Variants in TAFA1 observed in about 807,000 individuals in gnomAD.
TAFA1 encodes TAFA chemokine like family member 1.
TAFA1 carries 4 observed loss-of-function variants against 18.5 expected under a neutral mutation model. The observed-to-expected ratio is 0.22, with a 90% confidence interval of 0.11 to 0.49. The LOEUF (loss-of-function observed/expected upper bound fraction) is 0.49, where lower values mean the gene tolerates loss of function less well. TAFA1 is among the 20% of genes least tolerant of loss of function. The probability of loss-of-function intolerance (pLI) is 0.98; values close to 1 mark genes in which losing one functional copy is unlikely to be tolerated. For synonymous variants in TAFA1, 56 were observed against 55.2 expected (o/e 1.01, Z -0.06); for missense variants, 147 against 169.0 (o/e 0.87, Z 0.72).
chr3:68,213,360 T>A (rs1391797867), intron 2 of TAFA1, among the ~76,000 whole-genome samples: 1 of 152,104 alleles, frequency 6.6e-6, no homozygotes, highest in Non-Finnish European at 1.5e-5. Flanking sequence ...ATGAATGTCA[T>A]CGTTATTTTC....
intron 2 of TAFA1, among the ~76,000 whole-genome samples, chr3:68,120,417 T>A (rs1043138922): frequency 8.6e-5 from 13 of 152,016 alleles, no homozygotes; most frequent in Non-Finnish European, 8.8e-5. Context: ...CCTGGCTAAC[T>A]TTTACATTTT....
At chr3:68,343,426 T>C (rs930346018) in intron 2 of TAFA1, among the ~76,000 whole-genome samples, 4 of 152,198 alleles carry the variant, frequency 2.6e-5, no homozygotes, top group African/African-American at 9.7e-5. Flanking sequence ...TGCTTTGAAA[T>C]TTCACTATTT....
intron 3 of TAFA1, among the ~76,000 whole-genome samples, chr3:68,526,707 A>G (rs185289137): frequency 7.2e-5 from 11 of 152,226 alleles, no homozygotes; most frequent in African/African-American, 2.6e-4. Flanking sequence ...TTGTATATAA[A>G]CTCATTCCTT....
At chr3:68,492,599 GA>G (rs1397291591) in intron 3 of TAFA1, among the ~76,000 whole-genome samples, 1 of 152,140 alleles carries the variant, frequency 6.6e-6, no homozygotes, top group African/African-American at 2.4e-5. Context: ...TGACTTTATG[GA>G]TGAGTTTTTA....
At chr3:68,289,129 A>G (rs1253172669) in intron 2 of TAFA1, among the ~76,000 whole-genome samples, 1 of 152,202 alleles carries the variant, frequency 6.6e-6, no homozygotes, top group Admixed American at 6.5e-5. Context: ...GTGCCTGTTC[A>G]TGTCTCTAAC....
intron 3 of TAFA1, among the ~76,000 whole-genome samples, chr3:68,426,627 CA>C (rs2071059666): frequency 6.6e-6 from 1 of 151,560 alleles, no homozygotes; most frequent in African/African-American, 2.4e-5. Context: ...GGAAGAAAGA[CA>C]AAAAAATTAC....
intron 2 of TAFA1, among the ~76,000 whole-genome samples, chr3:68,025,558 T>A (rs1464933837): frequency 6.6e-6 from 1 of 152,172 alleles, no homozygotes; most frequent in African/African-American, 2.4e-5. Flanking sequence ...AGGGCCCTAA[T>A]AATATGCCCT....
intron 2 of TAFA1, among the ~76,000 whole-genome samples, chr3:68,411,968 T>C (rs35476250): frequency 0.18 from 27,898 of 152,018 alleles, 3,305 homozygotes; most frequent in East Asian, 0.44. Context: ...TTCCACTGTG[T>C]CCACCAAGAC....
At chr3:68,068,875 G>A (rs1040231828) in intron 2 of TAFA1, among the ~76,000 whole-genome samples, 2 of 152,186 alleles carry the variant, frequency 1.3e-5, no homozygotes, top group African/African-American at 4.8e-5. Context: ...TGCGGACTAA[G>A]TCCCATACAT....
chr3:68,036,137 C>G (rs1173879606), intron 2 of TAFA1, among the ~76,000 whole-genome samples: 1 of 152,052 alleles, frequency 6.6e-6, no homozygotes, highest in African/African-American at 2.4e-5. Flanking sequence ...TGAAACAGTT[C>G]ACCAAAAGGA....
chr3:68,329,773 A>C (rs187499184), intron 2 of TAFA1, among the ~76,000 whole-genome samples: 7 of 152,294 alleles, frequency 4.6e-5, no homozygotes, highest in Non-Finnish European at 7.4e-5. Context: ...GCTGTGTATG[A>C]ATAATCTCTG....
intron 2 of TAFA1, among the ~76,000 whole-genome samples, chr3:68,358,461 C>T (rs551593442): frequency 5.8e-4 from 88 of 151,894 alleles, no homozygotes; most frequent in Non-Finnish European, 9.9e-4. Context: ...GAAACTGAAG[C>T]TTGAGAGGTC....
At chr3:68,118,553 A>T (rs1211386084) in intron 2 of TAFA1, among the ~76,000 whole-genome samples, 1 of 152,178 alleles carries the variant, frequency 6.6e-6, no homozygotes, top group African/African-American at 2.4e-5. Context: ...AGCACCTGGC[A>T]ACCACCATGC....
chr3:68,336,633 A>G (rs2068973274), intron 2 of TAFA1, among the ~76,000 whole-genome samples: 1 of 152,224 alleles, frequency 6.6e-6, no homozygotes, highest in Admixed American at 6.5e-5. Flanking sequence ...TACAATTATC[A>G]TTGTAGGCTA....
intron 2 of TAFA1, among the ~76,000 whole-genome samples, chr3:68,133,950 T>C (rs765156273): frequency 6.6e-6 from 1 of 151,482 alleles, no homozygotes; most frequent in Non-Finnish European, 1.5e-5. Context: ...TCACAAAAGA[T>C]GAAGATATTT....
chr3:68,158,435 A>G (rs1294195724), intron 2 of TAFA1, among the ~76,000 whole-genome samples: 3 of 151,974 alleles, frequency 2.0e-5, no homozygotes, highest in African/African-American at 7.3e-5. Context: ...TTGCTCATGA[A>G]GCTGATATAC....
At chr3:68,392,377 T>G (rs767167826) in intron 2 of TAFA1, among the ~76,000 whole-genome samples, 2 of 152,022 alleles carry the variant, frequency 1.3e-5, no homozygotes, top group Admixed American at 6.6e-5. Flanking sequence ...CTTAGAGACC[T>G]ACAAAAAGAC....
chr3:68,131,714 A>G (rs2065540244), intron 2 of TAFA1, among the ~76,000 whole-genome samples: 1 of 152,174 alleles, frequency 6.6e-6, no homozygotes, highest in Non-Finnish European at 1.5e-5. Flanking sequence ...ATGCCTTACA[A>G]TCACTGTAGT....
chr3:67,997,136 A>G, the TAFA1 span, among the ~76,000 whole-genome samples: 3 of 152,214 alleles, frequency 2.0e-5, no homozygotes, highest in African/African-American at 7.2e-5. Flanking sequence ...TTTCAAATAG[A>G]AAGAATGTTT....
Sources: allele counts gnomAD v4.1 joint callset (sites outside exome capture counted in the v4.1 genomes callset), GRCh38; gene constraint gnomAD v4.1.1; transcripts MANE v1.5; gene names NCBI Gene and HGNC (gene_info 2026-07-23, HGNC 2026-07-21).